The following MND1 variants were observed in gnomAD, a reference collection of about 807,000 sequenced individuals.
The protein encoded by MND1 is meiotic nuclear divisions 1.
Under a neutral mutation model 35.1 loss-of-function variants are expected in MND1, and 28 were observed. The ratio of observed to expected loss-of-function variants is 0.80; its 90% confidence interval spans 0.59 to 1.09. The LOEUF (loss-of-function observed/expected upper bound fraction) is 1.09. Ranked by LOEUF, MND1 falls within the 50% of genes least tolerant of loss-of-function variation. The pLI is 0.00. For missense variants in MND1, 213 were observed against 239.6 expected (o/e 0.89, Z 0.73); for synonymous variants, 69 against 70.5 (o/e 0.98, Z 0.11).
intron 4 of MND1, among the ~76,000 whole-genome samples, chr4:153,372,478 A>C (rs1773815920): frequency 6.6e-6 from 1 of 152,250 alleles, no homozygotes; most frequent in Non-Finnish European, 1.5e-5. Context: ...GCTCATATTT[A>C]AAGTGTATTC....
At chr4:153,381,714 T>A (rs1293680648) in intron 4 of MND1, 1 of 86,464 alleles carries the variant, frequency 1.2e-5, no homozygotes, top group South Asian at 3.8e-4. Context: ...TTTTTTTTTT[T>A]TTTTTTTTTA....
At position 153,394,277 on chromosome 4, in the gene MND1, C is replaced by A; in HGVS notation, c.292C>A (p.Gln98Lys). Residue 98 changes from glutamine (Q) to lysine (K), a missense_variant, in exon 5 of 8, where the codon CAA becomes AAA. Physicochemically the swap from Gln to Lys is moderately conservative, Grantham distance 53. Coordinates refer to ENST00000240488, the MANE Select transcript of MND1 (RefSeq NM_032117.4). ...GATTCTCTAGTTGTCTGAGGGAAGT[C>A]AAAAGCATGCAAGCCTACAGAAAAG... ...VLESQLSEGS[Q>K]KHASLQKSIE... 1 of 1,612,240 alleles carries A rather than the reference C, an allele frequency of 6.2e-7. No individual in the cohort carries two copies. Among genetic ancestry groups the A allele is most frequent in the South Asian group, 1.1e-5 (1 of 90,904 alleles).
intron 4 of MND1, among the ~76,000 whole-genome samples, chr4:153,377,259 A>C (rs1728536560): frequency 6.6e-6 from 1 of 152,198 alleles, no homozygotes; most frequent in South Asian, 2.1e-4. Context: ...GGAGGACACT[A>C]ACAGATATTC....
intron 7 of MND1, among the ~76,000 whole-genome samples, chr4:153,412,708 G>A (rs1331387244): frequency 1.3e-5 from 2 of 150,592 alleles, no homozygotes; most frequent in East Asian, 3.9e-4. Context: ...CTGGTCTCTC[G>A]AACTCCTGAC....
intron 4 of MND1, among the ~76,000 whole-genome samples, chr4:153,361,248 T>C (rs1207622654): frequency 6.6e-6 from 1 of 152,236 alleles, no homozygotes; most frequent in Non-Finnish European, 1.5e-5. Context: ...TCAATCTTTG[T>C]TTGAAAATGT....
intron 4 of MND1, among the ~76,000 whole-genome samples, chr4:153,364,015 CTT>C (rs1216269703): frequency 6.6e-6 from 1 of 152,156 alleles, no homozygotes; most frequent in Non-Finnish European, 1.5e-5. Context: ...GGGAGGATCA[CTT>C]GAGCCCAGGA....
chr4:153,394,286 G>A lies in MND1; in HGVS notation c.301G>A (p.Ala101Thr). The A allele has an allele frequency of 6.2e-7, 1 of 1,612,634 alleles. No homozygotes were observed. Among genetic ancestry groups the A allele is most frequent in the Non-Finnish European group, 8.5e-7 (1 of 1,179,044 alleles). Residue 101 changes from alanine (A) to threonine (T), a missense_variant, in exon 5 of 8, where the codon GCA becomes ACA. By Grantham distance (58) the Ala-to-Thr change is moderately conservative. Transcript: ENST00000240488. ...GTTGTCTGAGGGAAGTCAAAAGCAT[G>A]CAAGCCTACAGAAAAGCATTGAGAA... The part of the protein sequence containing the change: ...SQLSEGSQKH[A>T]SLQKSIEKAK...
rs910039392 is a variant in MND1 at position 153,414,926 on chromosome 4, G to A, written c.*69G>A. The A allele has an allele frequency of 4.6e-6, 3 of 650,620 alleles. No homozygotes were observed. Among genetic ancestry groups the A allele is most frequent in the Non-Finnish European group, 7.7e-6 (3 of 387,694 alleles). 40.3% of individuals were successfully genotyped at this position (650,620 alleles called of 1,614,324 possible). The stretch of plus-strand genomic sequence containing the variant: ...AAATTTTAAACTATTATCTAACTAA[G>A]TGTACTGAATTGTCGTTTGCCTGTA... On this transcript the variant is annotated 3_prime_UTR_variant, in exon 8 of 8. Coordinates refer to ENST00000240488, the MANE Select transcript of MND1 (RefSeq NM_032117.4).
At chr4:153,358,737 A>C (rs895877516) in intron 4 of MND1, 115 bp downstream of exon 4, 1 of 977,668 alleles carries the variant, frequency 1.0e-6, no homozygotes, top group Non-Finnish European at 1.4e-6. Context: ...TATTTGACTG[A>C]AAGTCTAAAG....
rs185289074 is a variant in MND1 at position 153,407,572 on chromosome 4, C to T, written c.467-1399C>T. ...CACTTTGGCAAACAATTTATCTCTT[C>T]GCCAAAATATATACCCAAGATAATT... is the stretch of plus-strand genomic sequence containing the variant. On this transcript the variant is annotated intron_variant, in intron 6 of 7. Coordinates refer to ENST00000240488, the MANE Select transcript of MND1 (RefSeq NM_032117.4). Among the ~76,000 whole-genome samples, 171 of 152,230 alleles carry T rather than the reference C, an allele frequency of 1.1e-3. 1 individual carries two copies. Among genetic ancestry groups the T allele is most frequent in the Non-Finnish European group, 1.4e-3 (92 of 68,032 alleles).
intron 2 of MND1, among the ~76,000 whole-genome samples, chr4:153,350,495 A>G (rs893227923): frequency 6.6e-6 from 1 of 152,244 alleles, no homozygotes; most frequent in Admixed American, 6.5e-5. Context: ...TAGTTCCAGG[A>G]TTCAAACCAG....
At chr4:153,385,610 G>A (rs1728831681) in intron 4 of MND1, among the ~76,000 whole-genome samples, 1 of 151,740 alleles carries the variant, frequency 6.6e-6, no homozygotes, top group South Asian at 2.1e-4. Flanking sequence ...CAGCTGCTCA[G>A]GAGGCTGAGG....
intron 2 of MND1, among the ~76,000 whole-genome samples, chr4:153,354,417 G>C (rs1176098698): frequency 2.0e-5 from 3 of 152,200 alleles, no homozygotes; most frequent in Non-Finnish European, 4.4e-5. Context: ...TTTTCTTAAA[G>C]TGTCAGAAAA....
intron 4 of MND1, among the ~76,000 whole-genome samples, chr4:153,364,939 G>A (rs2149637220): frequency 6.6e-6 from 1 of 152,256 alleles, no homozygotes; most frequent in South Asian, 2.1e-4. Flanking sequence ...TGAAAAGCCA[G>A]TCATAAAAAG....
chr4:153,414,361 A>G (rs1729775831), intron 7 of MND1, among the ~76,000 whole-genome samples: 1 of 149,288 alleles, frequency 6.7e-6, no homozygotes, highest in Non-Finnish European at 1.5e-5. Flanking sequence ...GGCTCACCAC[A>G]ACCTCCGCCT....
intron 1 of MND1, among the ~76,000 whole-genome samples, chr4:153,349,069 A>G (rs192781049): frequency 6.7e-6 from 1 of 149,578 alleles, no homozygotes; most frequent in East Asian, 2.0e-4. Context: ...TTTTTATTAG[A>G]GAACTGGAGG....
rs36004124 is a variant in MND1 at position 153,387,837 on chromosome 4, C to CT, written c.277-6415dup. On this transcript the variant is annotated intron_variant, in intron 4 of 7. Coordinates refer to ENST00000240488, the MANE Select transcript of MND1 (RefSeq NM_032117.4). Reference sequence around the variant, plus strand: ...TTTTAAAGCAGAATGGAAATATAACCTTTTTTTTTTCCACAACATACTGCA... The same window carrying CT: ...TTTTAAAGCAGAATGGAAATATAACCTTTTTTTTTTTCCACAACATACTGCA... 2.3e-4 allele frequency among the ~76,000 whole-genome samples: 34 copies of CT among 148,058 alleles called. No homozygotes were observed. The South Asian group carries it at 3.0e-3, about 13-fold the overall frequency.
At chr4:153,350,390 C>G (rs1773184815) in intron 2 of MND1, among the ~76,000 whole-genome samples, 1 of 152,208 alleles carries the variant, frequency 6.6e-6, no homozygotes, top group Non-Finnish European at 1.5e-5. Flanking sequence ...TGATTATCTC[C>G]TCTTTCTGCC....
At chr4:153,351,741 A>G (rs1166265845) in intron 2 of MND1, among the ~76,000 whole-genome samples, 4 of 152,226 alleles carry the variant, frequency 2.6e-5, no homozygotes, top group Non-Finnish European at 4.4e-5. Flanking sequence ...ATGGCTACTC[A>G]GGATTTGTTA....
Sources: gnomAD v4.1 joint callset for allele counts (sites outside exome capture counted in the v4.1 genomes callset) on GRCh38, gnomAD v4.1.1 for gene constraint, MANE v1.5 for transcripts, NCBI Gene and HGNC (gene_info 2026-07-23, HGNC 2026-07-21) for gene names.